Variants in XRN1 observed in about 807,000 individuals in gnomAD.
XRN1 encodes the protein 5'-3' exoribonuclease 1.
Under a neutral mutation model 222.3 loss-of-function variants are expected in XRN1, and 67 were observed. The ratio of observed to expected loss-of-function variants is 0.30; its 90% CI spans 0.25 to 0.37. XRN1 has a LOEUF of 0.37. Among genes scored for constraint, XRN1 ranks in the 10% least tolerant of loss-of-function variants. The pLI, the probability that XRN1 is intolerant of heterozygous loss-of-function variation, is 1.00. For synonymous variants in XRN1, 643 were observed against 652.4 expected, an observed-to-expected ratio of 0.99 and a Z score of 0.22; for missense variants, 1,707 against 2,000.2, an observed-to-expected ratio of 0.85 and a Z score of 2.80.
intron 32 of XRN1, among the ~76,000 whole-genome samples, chr3:142,351,619 C>T (rs2066309025): frequency 6.6e-6 from 1 of 152,050 alleles, no homozygotes; most frequent in Non-Finnish European, 1.5e-5. Context: ...TTTTAATTAA[C>T]TCCCTCCCGC....
chr3:142,356,838 T>C, intron 31 of XRN1, 74 bp downstream of exon 31: 1 of 1,475,010 alleles, frequency 6.8e-7, no homozygotes, highest in Non-Finnish European at 9.3e-7. Context: ...AAATTAGGTT[T>C]ACATTTACAA....
In XRN1 at chr3:142,356,922, A is replaced by G; in HGVS notation, c.3662T>C (p.Val1221Ala). The stretch of plus-strand genomic sequence containing the variant: ...GACTGAGAGTCTTACTTGAGTAGGA[A>G]CAAAAAGTGATTGAGGGGAATGGTT... The part of the protein sequence containing the change: ...ALNHSPQSLF[V>A]PTQVPTKDDD... The change falls in exon 31 of 41, where the codon GTT (valine) becomes GCT (alanine). Residue 1221 changes from valine (V) to alanine (A), a missense_variant. Val to Ala is a moderately conservative substitution (Grantham distance 64). This residue lies in a region of XRN1 where 1,234 missense variants were observed against 1,518.2 expected (regional missense o/e 0.81). Coordinates refer to ENST00000392981, the MANE Select transcript of XRN1 (RefSeq NM_001282857.2). 1 of 1,613,996 alleles carries G rather than the reference A, an allele frequency of 6.2e-7. No individual in the cohort carries two copies. The highest frequency in any genetic ancestry group is 2.2e-5 in the East Asian group (1 of 44,858).
chr3:142,372,600 G>T (rs1183167573), intron 25 of XRN1, among the ~76,000 whole-genome samples: 1 of 152,198 alleles, frequency 6.6e-6, no homozygotes, highest in Non-Finnish European at 1.5e-5. Flanking sequence ...TTGTGGGAAG[G>T]GAAAGTAACC....
rs2107835294 is a variant in XRN1 at position 142,308,850 on chromosome 3, A to G, written c.*2661T>C. 1 of 152,362 alleles carries G rather than the reference A, an allele frequency of 6.6e-6. No homozygotes were observed. The highest frequency in any genetic ancestry group is 2.1e-4 in the South Asian group (1 of 4,824). 9.4% of individuals were successfully genotyped at this position (152,362 alleles called of 1,614,324 possible). A position where few individuals can be genotyped will look rare whatever the true frequency, so the allele number is the denominator to read the frequency against. ...CCCTAAACAGTCCACCATTTTCACA[A>G]AAAGTCCTCAGAAGATTCAAGTTGA... is the stretch of plus-strand genomic sequence containing the variant. On this transcript the variant is annotated 3_prime_UTR_variant, in exon 41 of 41. Transcript: ENST00000392981.
intron 1 of XRN1, among the ~76,000 whole-genome samples, chr3:142,443,274 A>C (rs944729372): frequency 2.0e-5 from 3 of 152,178 alleles, no homozygotes; most frequent in Admixed American, 1.3e-4. Context: ...CAGTTAGAGC[A>C]GTCATCGGCC....
At chr3:142,424,042 G>A (rs1430563574) in intron 5 of XRN1, among the ~76,000 whole-genome samples, 2 of 146,444 alleles carry the variant, frequency 1.4e-5, no homozygotes, top group Non-Finnish European at 3.0e-5. Context: ...CCCAGTATAT[G>A]AAAACTCAGG....
chr3:142,339,128 G>A (rs186923183), intron 33 of XRN1, among the ~76,000 whole-genome samples: 111 of 152,250 alleles, frequency 7.3e-4, no homozygotes, highest in African/African-American at 2.5e-3. Flanking sequence ...GGCTGTGGGC[G>A]AGATCCAGTA....
chr3:142,315,439 T>C (rs115286572), intron 39 of XRN1, among the ~76,000 whole-genome samples: 1 of 151,928 alleles, frequency 6.6e-6, no homozygotes, highest in Non-Finnish European at 1.5e-5. Context: ...AGTAACTTAA[T>C]GACCTTAGAC....
In XRN1 at chr3:142,371,599, G is replaced by A. The variant is rs889902292; in HGVS notation, c.2979-271C>T. Among the ~76,000 whole-genome samples, 4 of 152,058 alleles carry A rather than the reference G, an allele frequency of 2.6e-5. No individual in the cohort carries two copies. In the East Asian group the frequency reaches 7.7e-4, roughly 29 times the overall value. On this transcript the variant is annotated intron_variant, in intron 25 of 40. Coordinates refer to ENST00000392981, the MANE Select transcript of XRN1 (RefSeq NM_001282857.2). ...TGACTCTACTCTCTTTCATTAAAAT[G>A]ACAGCTGATAGACAAAAATGGTATC... is the stretch of plus-strand genomic sequence containing the variant.
chr3:142,399,238 G>GAAAAAAAAAAAA (rs58300200), intron 19 of XRN1, among the ~76,000 whole-genome samples: 1 of 59,168 alleles, frequency 1.7e-5, no homozygotes, highest in African/African-American at 5.7e-5. Flanking sequence ...AAACAATTCT[G>GAAAAAAAAAAAA]AAAAAAAAAA....
rs1278814737 is a variant in XRN1, at chr3:142,447,214, T to C, written c.75+656A>G. Among the ~76,000 whole-genome samples, 1 of 152,214 alleles carries C rather than the reference T, an allele frequency of 6.6e-6. No individual in the cohort carries two copies. Among genetic ancestry groups the C allele is most frequent in the African/African-American group, 2.4e-5 (1 of 41,456 alleles). Reference sequence around the variant, plus strand: ...TATCAATTCGTTTCCCAACCCCCTCTGTCACACAGTGAGGCCTCCAAATAA... The same window carrying C: ...TATCAATTCGTTTCCCAACCCCCTCCGTCACACAGTGAGGCCTCCAAATAA... On this transcript the variant is annotated intron_variant, in intron 1 of 40. Transcript: ENST00000392981. The surrounding 1 kb of genome is among the most constrained non-coding windows in gnomAD (Gnocchi z 4.2).
At chr3:142,443,175 C>T (rs1327105215) in intron 1 of XRN1, among the ~76,000 whole-genome samples, 4 of 152,174 alleles carry the variant, frequency 2.6e-5, no homozygotes, top group African/African-American at 9.7e-5. Flanking sequence ...GCCTGTTAGC[C>T]CATGCGCTGA....
At chr3:142,313,062 A>C in intron 39 of XRN1, 1 of 1,503,862 alleles carries the variant, frequency 6.6e-7, no homozygotes, top group East Asian at 2.3e-5. Context: ...TTATAAAAAA[A>C]ATAAAAGGGT....
chr3:142,385,090 T>C (rs1450389096), intron 20 of XRN1, among the ~76,000 whole-genome samples: 1 of 152,200 alleles, frequency 6.6e-6, no homozygotes, highest in African/African-American at 2.4e-5. Flanking sequence ...AAGCAACATA[T>C]AATTAACACA....
chr3:142,333,794 G>A (rs925921540), intron 34 of XRN1, among the ~76,000 whole-genome samples: 8 of 152,052 alleles, frequency 5.3e-5, no homozygotes, highest in Non-Finnish European at 7.4e-5. Context: ...ATGAGAAGAC[G>A]CATCATCTGC....
intron 38 of XRN1, 29 bp from the exon 39 acceptor site, chr3:142,318,723 A>G: frequency 6.2e-7 from 1 of 1,610,102 alleles, no homozygotes; most frequent in East Asian, 2.2e-5. Flanking sequence ...GTTACAAGAC[A>G]ATGCAATACA....
chr3:142,329,795 C>T (rs1447021353), intron 36 of XRN1, among the ~76,000 whole-genome samples, 180 bp from the exon 37 acceptor site: 3 of 152,192 alleles, frequency 2.0e-5, no homozygotes, highest in Non-Finnish European at 4.4e-5. Context: ...GTTCCAAATC[C>T]TGGACTCTAG....
chr3:142,396,063 G>C (rs1349899008), intron 20 of XRN1, among the ~76,000 whole-genome samples: 1 of 152,130 alleles, frequency 6.6e-6, no homozygotes, highest in Non-Finnish European at 1.5e-5. Flanking sequence ...CCATCCAGCA[G>C]CTGTAAATAT....
At chr3:142,326,726 T>A (rs2065526853) in intron 37 of XRN1, among the ~76,000 whole-genome samples, 1 of 152,140 alleles carries the variant, frequency 6.6e-6, no homozygotes, top group Admixed American at 6.6e-5. Flanking sequence ...GGAAAGTATT[T>A]CATTTTTCCC....
Sources: gnomAD v4.1 joint callset for allele counts (sites outside exome capture counted in the v4.1 genomes callset) on GRCh38, gnomAD v4.1.1 for gene constraint, gnomAD v4.1.1 regional missense constraint, Gnocchi (gnomAD v3.1) non-coding constraint, MANE v1.5 for transcripts, NCBI Gene and HGNC (gene_info 2026-07-23, HGNC 2026-07-21) for gene names.